RCC1: variants seen among roughly 807,000 people sequenced by gnomAD.
RCC1 encodes the protein regulator of chromosome condensation 1, also known as regulator of chromosome condensation.
RCC1 carries 11 observed loss-of-function variants against 44.4 expected under a neutral mutation model. The ratio of observed to expected loss-of-function variants is 0.25; its 90% CI spans 0.16 to 0.41. The LOEUF (loss-of-function observed/expected upper bound fraction) is 0.41. Among genes scored for constraint, RCC1 ranks in the 10% least tolerant of loss-of-function variants. The pLI, the probability that RCC1 is intolerant of heterozygous loss-of-function variation, is 1.00. For missense variants in RCC1, 386 were observed against 547.1 expected (o/e 0.71, Z 2.94); for synonymous variants, 213 against 216.5 (o/e 0.98, Z 0.14).
rs1401786753 is a variant in RCC1, at chr1:28,535,302, A to G, written c.583A>G (p.Thr195Ala). ...GCTGACAGCTGATGGTGACCTCTAC[A>G]CCTTGGGCTGCGGGGAACAGGGCCA... Reference protein sequence around the residue: ...VMLTADGDLYTLGCGEQGQLG... With the variant: ...VMLTADGDLYALGCGEQGQLG... Residue 195 changes from threonine to alanine, a missense_variant, in exon 9 of 13, where the codon ACC (threonine) becomes GCC (alanine). Thr to Ala is a moderately conservative substitution (Grantham distance 58). Coordinates refer to ENST00000683442, the MANE Select transcript of RCC1 (RefSeq NM_001381865.2). 6.2e-7 allele frequency: 1 copy of G among 1,614,020 alleles called. No homozygotes were observed. Among genetic ancestry groups the G allele is most frequent in the African/African-American group, 1.3e-5 (1 of 74,920 alleles).
intron 4 of RCC1, among the ~76,000 whole-genome samples, chr1:28,527,632 A>G (rs1385004709): frequency 2.6e-5 from 4 of 152,186 alleles, no homozygotes; most frequent in Non-Finnish European, 5.9e-5. Context: ...TGGTGCTTAC[A>G]TGGGGTTGAA....
chr1:28,511,883 C>T (rs781473712), intron 3 of RCC1, among the ~76,000 whole-genome samples: 3 of 151,414 alleles, frequency 2.0e-5, no homozygotes, highest in Non-Finnish European at 4.4e-5. Context: ...AGGCTGGTCT[C>T]GAACTCCTGA....
At chr1:28,527,237 C>T in intron 4 of RCC1, 1 of 752,440 alleles carries the variant, frequency 1.3e-6, no homozygotes. Flanking sequence ...ATCTTCAGTG[C>T]ATGTGTGTTT....
At position 28,536,989 on chromosome 1, in the gene RCC1, G is replaced by A. The variant is rs536918349; in HGVS notation, c.1090+90G>A. The A allele has an allele frequency of 1.7e-5, 24 of 1,439,624 alleles. No individual in the cohort carries two copies. Among genetic ancestry groups the A allele is most frequent in the African/African-American group, 9.8e-5 (7 of 71,098 alleles). 89.2% of individuals were successfully genotyped at this position (1,439,624 alleles called of 1,614,324 possible). A position where few individuals can be genotyped will look rare whatever the true frequency, so the allele number is the denominator to read the frequency against. Reference sequence around the variant, plus strand: ...CCAATAGGCTGTGATGTCCACTCTCGGGGGAGCCGAGGTACAGAGAGCAGT... The same window carrying A: ...CCAATAGGCTGTGATGTCCACTCTCAGGGGAGCCGAGGTACAGAGAGCAGT... On this transcript the variant is annotated intron_variant, in intron 12 of 12. Transcript: ENST00000683442. This position sits in a 1 kb window ranked among gnomAD's most constrained non-coding sequence, Gnocchi z 4.9.
Position 28,509,265 on chromosome 1 carries a change from T to A in RCC1, c.-153+360T>A, listed in dbSNP as rs529421189. 3.7e-4 allele frequency: 80 copies of A among 216,236 alleles called. 1 individual carries two copies. The South Asian group carries it at 5.1e-3, about 14-fold the overall frequency. 13.4% of individuals were successfully genotyped at this position (216,236 alleles called of 1,614,324 possible). Reference sequence around the variant, plus strand: ...TGCTTGGCCAGAAGGCACACTGTGTTGGTGGTTATATTAAAAGTCCTTGAG... The same window carrying A: ...TGCTTGGCCAGAAGGCACACTGTGTAGGTGGTTATATTAAAAGTCCTTGAG... On this transcript the variant is annotated intron_variant, in intron 3 of 12. Transcript: ENST00000683442.
intron 4 of RCC1, among the ~76,000 whole-genome samples, chr1:28,528,844 C>CTTTTT (rs59005617): frequency 1.5e-4 from 13 of 87,194 alleles, no homozygotes; most frequent in Non-Finnish European, 1.5e-4. Flanking sequence ...GTTTTTCTTC[C>CTTTTT]TTTTTTTTTT....
At chr1:28,535,692 G>C in intron 9 of RCC1, 179 bp from the exon 10 acceptor site, 1 of 790,224 alleles carries the variant, frequency 1.3e-6, no homozygotes, top group East Asian at 2.6e-5. Flanking sequence ...TAATGACTGT[G>C]GGAATCTGAG....
chr1:28,527,701 C>G (rs1663763035), intron 4 of RCC1, among the ~76,000 whole-genome samples: 1 of 152,076 alleles, frequency 6.6e-6, no homozygotes, highest in Non-Finnish European at 1.5e-5. Flanking sequence ...TTTTTTACAA[C>G]AGACTTAAAA....
chr1:28,506,285 A>G, intron 1 of RCC1: 1 of 445,816 alleles, frequency 2.2e-6, no homozygotes, highest in Non-Finnish European at 4.5e-6. Context: ...GCCGGGTTCA[A>G]GCGATTCTCG....
intron 3 of RCC1, among the ~76,000 whole-genome samples, chr1:28,511,403 G>GTT (rs201429762): frequency 4.2e-5 from 6 of 141,462 alleles, no homozygotes; most frequent in East Asian, 2.1e-4. Context: ...TTTGTTTTTT[G>GTT]TTTTTTTTTT....
chr1:28,531,519 T>A (rs776653243), intron 5 of RCC1, among the ~76,000 whole-genome samples: 6 of 152,074 alleles, frequency 3.9e-5, no homozygotes, highest in Non-Finnish European at 5.9e-5. Context: ...CCAGCCCTTC[T>A]TGCCCTCTCC....
At chr1:28,508,983 C>A (rs139508716) in intron 3 of RCC1, 78 bp downstream of exon 3, 72 of 446,954 alleles carry the variant, frequency 1.6e-4, no homozygotes, top group African/African-American at 1.4e-3. Flanking sequence ...AGGTGCATTT[C>A]ATGCCTCCTT....
intron 4 of RCC1, among the ~76,000 whole-genome samples, chr1:28,529,072 A>G (rs1570206022): frequency 1.5e-5 from 2 of 132,156 alleles, no homozygotes; most frequent in African/African-American, 2.9e-5. Context: ...ACGGGGTTTC[A>G]CCATGTTGGC....
At chr1:28,511,864 A>G (rs973723206) in intron 3 of RCC1, among the ~76,000 whole-genome samples, 2 of 150,704 alleles carry the variant, frequency 1.3e-5, no homozygotes, top group African/African-American at 4.9e-5. Flanking sequence ...GGGTTTCACC[A>G]TGTTAGCCAG....
At chr1:28,527,001 C>T (rs889205424) in intron 4 of RCC1, 8 of 831,558 alleles carry the variant, frequency 9.6e-6, no homozygotes, top group African/African-American at 6.6e-5. Flanking sequence ...CCATTGACCA[C>T]GGCTGTACCC....
chr1:28,535,465 T>A (rs1664488929), intron 9 of RCC1, 85 bp downstream of exon 9: 1 of 1,585,240 alleles, frequency 6.3e-7, no homozygotes, highest in Non-Finnish European at 8.6e-7. Context: ...TTTGCTGTGG[T>A]CAGGCTTGCA....
intron 5 of RCC1, 132 bp from the exon 6 acceptor site, chr1:28,531,671 C>T (rs1435813221): frequency 1.6e-6 from 1 of 644,386 alleles, no homozygotes; most frequent in African/African-American, 1.9e-5. Context: ...GATGACAAAA[C>T]TTAGAAAGTT....
chr1:28,528,844 CTTTTTTT>C lies in RCC1; in HGVS notation c.-9-1000_-9-994del, dbSNP rs59005617. ...AATGGATGATAGGCTGTTTTTCTTC[CTTTTTTT>C]TTTTTTTTTTTTTGGTTGGGGGGTG... On this transcript the variant is annotated intron_variant, in intron 4 of 12. Coordinates refer to ENST00000683442, the MANE Select transcript of RCC1 (RefSeq NM_001381865.2). Among the ~76,000 whole-genome samples, 5 of 87,204 alleles carry C rather than the reference CTTTTTTT, an allele frequency of 5.7e-5. No individual in the cohort carries two copies. In the East Asian group the frequency reaches 8.9e-4, roughly 16 times the overall value. The allele number at this position is 87,204 out of a possible 152,430, so 57.2% of individuals were successfully genotyped here.
At chr1:28,530,609 C>T (rs779707090) in intron 5 of RCC1, 61 of 1,603,580 alleles carry the variant, frequency 3.8e-5, no homozygotes, top group Non-Finnish European at 5.1e-5. Flanking sequence ...CCAGAAAACC[C>T]GACCAGGTGG....
Sources: gnomAD v4.1 joint callset for allele counts (sites outside exome capture counted in the v4.1 genomes callset) on GRCh38, gnomAD v4.1.1 for gene constraint, Gnocchi (gnomAD v3.1) non-coding constraint, MANE v1.5 for transcripts, NCBI Gene and HGNC (gene_info 2026-07-23, HGNC 2026-07-21) for gene names.